ZNF616: variants seen among roughly 807,000 people sequenced by gnomAD.
ZNF616 encodes zinc finger protein 616.
A neutral mutation model predicts 7.6 loss-of-function variants in ZNF616; 5 were observed. That is an observed-to-expected ratio of 0.66 (90% CI 0.34 to 1.38). ZNF616 has a LOEUF of 1.38. Ranked by LOEUF, ZNF616 falls within the 40% of genes most tolerant of loss-of-function variation. The probability of loss-of-function intolerance (pLI) is 0.04; values close to 1 mark genes in which losing one functional copy is unlikely to be tolerated. For synonymous variants in ZNF616, 319 were observed against 317.2 expected, an observed-to-expected ratio of 1.01 and a Z score of -0.06; for missense variants, 913 against 948.3, an observed-to-expected ratio of 0.96 and a Z score of 0.49.
At chr19:52,136,792 G>A (rs2089012846) in intron 1 of ZNF616, among the ~76,000 whole-genome samples, 1 of 152,066 alleles carries the variant, frequency 6.6e-6, no homozygotes, top group Non-Finnish European at 1.5e-5. Flanking sequence ...GCCAGGTGTG[G>A]TAGTTCATGC....
rs1297860959 is a variant in ZNF616 at position 52,115,123 on chromosome 19, T to C, written c.2041A>G (p.Ile681Val). The C allele has an allele frequency of 6.2e-7, 1 of 1,614,154 alleles. No homozygotes were observed. Among genetic ancestry groups the C allele is most frequent in the Non-Finnish European group, 8.5e-7 (1 of 1,180,026 alleles). Reference protein sequence around the residue: ...KRSSNLTAHQIIHAGKKPYKC... With the variant: ...KRSSNLTAHQVIHAGKKPYKC... ...TATGGTTTCTTTCCTGCATGAATTA[T>C]CTGATGTGCAGTGAGGTTTGAGCTC... The change falls in exon 4 of 4, where the codon ATA (isoleucine) becomes GTA (valine). Residue 681 changes from isoleucine (I) to valine (V), a missense_variant. Ile to Val is a conservative substitution (Grantham distance 29, BLOSUM62 3). Coordinates refer to ENST00000600228, the MANE Select transcript of ZNF616 (RefSeq NM_178523.5).
chr19:52,139,675 G>T lies in ZNF616; in HGVS notation c.-77+57C>A, dbSNP rs1348284893. On this transcript the variant is annotated intron_variant, in intron 1 of 3. Transcript: ENST00000600228. This position sits in a 1 kb window ranked among gnomAD's most constrained non-coding sequence, Gnocchi z 4.1. ...TATCTACATGGCAGAAAGGCAGGGG[G>T]CAAGGAACAGCCTGAGAGAGATTTT... The T allele has an allele frequency of 2.6e-5, 4 of 152,302 alleles. No homozygotes were observed. Among genetic ancestry groups the T allele is most frequent in the Non-Finnish European group, 2.9e-5 (2 of 68,140 alleles). The allele number at this position is 152,302 out of a possible 1,614,324, so 9.4% of individuals were successfully genotyped here.
intron 1 of ZNF616, among the ~76,000 whole-genome samples, chr19:52,136,246 C>T (rs1220234286): frequency 6.6e-6 from 1 of 151,830 alleles, no homozygotes; most frequent in Non-Finnish European, 1.5e-5. Flanking sequence ...TTTGGGAAGC[C>T]GAGGCGGGCA....
chr19:52,123,669 T>C (rs1453458042), intron 3 of ZNF616, among the ~76,000 whole-genome samples: 3 of 152,088 alleles, frequency 2.0e-5, no homozygotes, highest in African/African-American at 7.2e-5. Context: ...AAACAGGGAA[T>C]TGGATATTTT....
chr19:52,137,116 C>T (rs1467889187), intron 1 of ZNF616, among the ~76,000 whole-genome samples: 1 of 148,088 alleles, frequency 6.8e-6, no homozygotes, highest in Non-Finnish European at 1.5e-5. Flanking sequence ...GAATATTATT[C>T]AACCATAAAA....
chr19:52,123,898 A>G (rs908648311), intron 3 of ZNF616, 25 bp downstream of exon 3: 7 of 1,613,308 alleles, frequency 4.3e-6, no homozygotes, highest in Non-Finnish European at 5.9e-6. Context: ...GCGAATCTGA[A>G]CTTCTAGAAG....
At chr19:52,118,382 T>A (rs908254922) in intron 3 of ZNF616, among the ~76,000 whole-genome samples, 17 of 152,290 alleles carry the variant, frequency 1.1e-4, no homozygotes, top group African/African-American at 3.8e-4. Context: ...AATGAAAACT[T>A]ACAGATACAA....
rs556676829 is a variant in ZNF616 at position 52,114,906 on chromosome 19, G to T, written c.2258C>A (p.Ser753Tyr). The change falls in exon 4 of 4, where the codon TCT becomes TAT. Residue 753 changes from serine to tyrosine, a missense_variant. Physicochemically the swap from Ser to Tyr is moderately radical, Grantham distance 144. Coordinates refer to ENST00000600228, the MANE Select transcript of ZNF616 (RefSeq NM_178523.5). ...AGTGAGGCCTGAGCGACAAATAAAAGATTTCCCACACTCATTACATTTATA... is the reference window on the plus strand; with the variant it reads ...AGTGAGGCCTGAGCGACAAATAAAATATTTCCCACACTCATTACATTTATA... The part of the protein sequence containing the change: ...KPYKCNECGK[S>Y]FICRSGLTKH... 2 of 1,614,012 alleles carry T rather than the reference G, an allele frequency of 1.2e-6. No homozygotes were observed. Among genetic ancestry groups the T allele is most frequent in the Non-Finnish European group, 1.7e-6 (2 of 1,179,946 alleles).
chr19:52,138,045 C>G (rs2089028143), intron 1 of ZNF616, among the ~76,000 whole-genome samples: 1 of 152,132 alleles, frequency 6.6e-6, no homozygotes, highest in Admixed American at 6.5e-5. Flanking sequence ...ATCCCAGCAC[C>G]TTCAGGGGCT....
At chr19:52,120,783 T>C (rs1290379067) in intron 3 of ZNF616, among the ~76,000 whole-genome samples, 1 of 152,196 alleles carries the variant, frequency 6.6e-6, no homozygotes, top group Non-Finnish European at 1.5e-5. Context: ...TAGTTATATA[T>C]GCACCTAATA....
intron 3 of ZNF616, among the ~76,000 whole-genome samples, chr19:52,119,641 T>C (rs2088851749): frequency 6.6e-6 from 1 of 152,082 alleles, no homozygotes; most frequent in Admixed American, 6.5e-5. Flanking sequence ...AGGTATATAA[T>C]TTCACCAGGA....
Position 52,116,382 on chromosome 19 carries a change from CTT to C in ZNF616, c.780_781del (p.Arg261GlufsTer11), listed in dbSNP as rs1238901646. On this transcript the variant is annotated frameshift_variant, in exon 4 of 4. Coordinates refer to ENST00000600228, the MANE Select transcript of ZNF616 (RefSeq NM_178523.5). LOFTEE classifies it low-confidence loss of function (END_TRUNC). ...GTAGGGTTTCTGTCCAGTGTGACTC[CTT>C]TGGTGTCTTACAAAATATGAATTTT... is the stretch of plus-strand genomic sequence containing the variant. The C allele has an allele frequency of 1.9e-6, 3 of 1,614,018 alleles. No individual in the cohort carries two copies. In the African/African-American group the frequency reaches 4.0e-5, roughly 22 times the overall value.
At position 52,115,908 on chromosome 19, in the gene ZNF616, C is replaced by T. The variant is rs1458537438; in HGVS notation, c.1256G>A (p.Ser419Asn). The change falls in exon 4 of 4, where the codon AGT becomes AAT. Residue 419 changes from serine to asparagine, a missense_variant. By Grantham distance (46) the Ser-to-Asn change is conservative. Transcript: ENST00000600228. ...ATGCACTGCAAGACTTGAACGTTTA[C>T]TGAAGACCTTGCCACATTCATTGCA... ...CKCNECGKVF[S>N]KRSSLAVHQR... 6.2e-7 allele frequency: 1 copy of T among 1,614,216 alleles called. No individual in the cohort carries two copies. The highest frequency in any genetic ancestry group is 8.5e-7 in the Non-Finnish European group (1 of 1,180,030).
chr19:52,119,849 G>A (rs911051990), intron 3 of ZNF616, among the ~76,000 whole-genome samples: 4 of 152,102 alleles, frequency 2.6e-5, no homozygotes, highest in Admixed American at 1.3e-4. Context: ...CAAATTGAAT[G>A]TCCCATGAGT....
intron 3 of ZNF616, among the ~76,000 whole-genome samples, chr19:52,119,084 T>A (rs1169622335): frequency 6.6e-6 from 1 of 152,160 alleles, no homozygotes; most frequent in African/African-American, 2.4e-5. Context: ...AATAACAGTA[T>A]CTGAGTCATC....
chr19:52,136,874 A>G (rs2089013546), intron 1 of ZNF616, among the ~76,000 whole-genome samples: 1 of 151,972 alleles, frequency 6.6e-6, no homozygotes, highest in Non-Finnish European at 1.5e-5. Flanking sequence ...ACCAGCTTGG[A>G]CAAAACAGCG....
chr19:52,117,215 T>C (rs990076047), intron 3 of ZNF616, among the ~76,000 whole-genome samples, 191 bp from the exon 4 acceptor site: 3 of 152,186 alleles, frequency 2.0e-5, no homozygotes, highest in Non-Finnish European at 2.9e-5. Flanking sequence ...GGTGACTACA[T>C]GTAATTCAAA....
At position 52,115,446 on chromosome 19, in the gene ZNF616, C is replaced by A; in HGVS notation, c.1718G>T (p.Gly573Val). Reference sequence around the variant, plus strand: ...TTCATTGCATTTGTAAGGTTTCTCTCCACTATGAATTCTCCGATGCACTGT... The same window carrying A: ...TTCATTGCATTTGTAAGGTTTCTCTACACTATGAATTCTCCGATGCACTGT... ...RLTVHRRIHS[G>V]EKPYKCNECG... is the part of the protein sequence containing the mutation. Residue 573 changes from glycine to valine, a missense_variant, in exon 4 of 4, where the codon GGA (glycine) becomes GTA (valine). Coordinates refer to ENST00000600228, the MANE Select transcript of ZNF616 (RefSeq NM_178523.5). The A allele has an allele frequency of 6.2e-7, 1 of 1,614,092 alleles. No homozygotes were observed. Among genetic ancestry groups the A allele is most frequent in the Non-Finnish European group, 8.5e-7 (1 of 1,180,042 alleles).
intron 2 of ZNF616, among the ~76,000 whole-genome samples, chr19:52,128,699 G>T (rs1034960429): frequency 2.0e-5 from 3 of 147,458 alleles, no homozygotes; most frequent in African/African-American, 7.6e-5. Context: ...CCAAGATTGC[G>T]CCATTGCACT....
Sources: allele counts gnomAD v4.1 joint callset (sites outside exome capture counted in the v4.1 genomes callset), GRCh38; gene constraint gnomAD v4.1.1; non-coding constraint Gnocchi (gnomAD v3.1); transcripts MANE v1.5; gene names NCBI Gene and HGNC (gene_info 2026-07-23, HGNC 2026-07-21).